The following SENP7 variants were observed in gnomAD, a reference collection of about 807,000 sequenced individuals.
The protein encoded by SENP7 is sentrin-specific protease 7.
Under a neutral mutation model 141.2 loss-of-function variants are expected in SENP7, and 64 were observed. The ratio of observed to expected loss-of-function variants is 0.45; its 90% confidence interval spans 0.37 to 0.56. The LOEUF (loss-of-function observed/expected upper bound fraction) is 0.56. SENP7 is among the 20% of genes least tolerant of loss of function. The pLI, the probability that SENP7 is intolerant of heterozygous loss-of-function variation, is 0.00. For synonymous variants in SENP7, 382 were observed against 426.4 expected (o/e 0.90, Z 1.28); for missense variants, 1,025 against 1,212.2 (o/e 0.85, Z 2.29).
chr3:101,455,648 A>G (rs2063327199), intron 4 of SENP7, among the ~76,000 whole-genome samples: 1 of 152,158 alleles, frequency 6.6e-6, no homozygotes, highest in Non-Finnish European at 1.5e-5. Context: ...TAAAAGAGAA[A>G]AACCAAACTG....
intron 11 of SENP7, 122 bp from the exon 12 acceptor site, chr3:101,351,773 T>C: frequency 1.4e-6 from 1 of 734,560 alleles, no homozygotes; most frequent in Non-Finnish European, 1.9e-6. Context: ...CAAGCCTTTT[T>C]ATCAATAAAC....
chr3:101,509,008 T>C (rs1044620348), intron 1 of SENP7, among the ~76,000 whole-genome samples: 1 of 152,182 alleles, frequency 6.6e-6, no homozygotes, highest in African/African-American at 2.4e-5. Context: ...TCTCAAGATC[T>C]GTCTATATCT....
intron 12 of SENP7, 79 bp downstream of exon 12, chr3:101,351,539 A>ATTATTAAACTTAG: frequency 9.1e-7 from 1 of 1,103,534 alleles, no homozygotes; most frequent in Non-Finnish European, 1.2e-6. Flanking sequence ...AAGGTGAAAC[A>ATTATTAAACTTAG]TTATTAAACT....
intron 1 of SENP7, among the ~76,000 whole-genome samples, chr3:101,510,420 C>T (rs1177294799): frequency 6.6e-6 from 1 of 152,180 alleles, no homozygotes; most frequent in Admixed American, 6.5e-5. Context: ...TTAGGGCAGC[C>T]TAATGTAGTC....
At chr3:101,366,860 T>C in intron 8 of SENP7, 91 bp from the exon 9 acceptor site, 1 of 737,668 alleles carries the variant, frequency 1.4e-6, no homozygotes, top group Non-Finnish European at 2.2e-6. Flanking sequence ...AAAAATATTA[T>C]ATCACTTCTA....
chr3:101,455,599 T>C (rs889700492), intron 4 of SENP7, among the ~76,000 whole-genome samples: 3 of 152,048 alleles, frequency 2.0e-5, no homozygotes, highest in Admixed American at 6.5e-5. Flanking sequence ...AGCTCATTGA[T>C]AGTGAAAATG....
intron 3 of SENP7, among the ~76,000 whole-genome samples, chr3:101,459,375 A>G (rs180699392): frequency 6.6e-6 from 1 of 152,298 alleles, no homozygotes; most frequent in East Asian, 1.9e-4. Flanking sequence ...AAGGTTAAAT[A>G]GGGCCTATGA....
intron 6 of SENP7, among the ~76,000 whole-genome samples, chr3:101,373,416 A>C (rs568229025): frequency 1.3e-5 from 2 of 152,298 alleles, no homozygotes; most frequent in South Asian, 4.1e-4. Context: ...GTCCTCCCTG[A>C]AAGAATTATC....
intron 4 of SENP7, 95 bp downstream of exon 4, chr3:101,458,860 G>A (rs777038471): frequency 8.0e-5 from 53 of 660,876 alleles, no homozygotes; most frequent in South Asian, 4.6e-4. Flanking sequence ...TTTTAAACAT[G>A]TGGTCATAAT....
chr3:101,504,242 A>G (rs1394725687), intron 1 of SENP7, among the ~76,000 whole-genome samples: 1 of 151,810 alleles, frequency 6.6e-6, no homozygotes, highest in Admixed American at 6.6e-5. Context: ...ACTTGAGGTC[A>G]GGAGTTCGAG....
At chr3:101,487,561 T>C (rs1043086874) in intron 3 of SENP7, among the ~76,000 whole-genome samples, 1 of 152,218 alleles carries the variant, frequency 6.6e-6, no homozygotes, top group Non-Finnish European at 1.5e-5. Context: ...GGGTATTTCC[T>C]AGGTATTTTT....
At chr3:101,392,847 G>T (rs1213777219) in intron 6 of SENP7, among the ~76,000 whole-genome samples, 1 of 152,134 alleles carries the variant, frequency 6.6e-6, no homozygotes, top group African/African-American at 2.4e-5. Flanking sequence ...AGCTGGGTGT[G>T]GTGGTACACA....
chr3:101,437,191 A>G (rs946471495), intron 4 of SENP7, among the ~76,000 whole-genome samples: 2 of 152,210 alleles, frequency 1.3e-5, no homozygotes, highest in African/African-American at 4.8e-5. Context: ...TCATGGACCT[A>G]GAGAGTAGAA....
Position 101,428,788 on chromosome 3 carries a change from A to G in SENP7, c.285-10998T>C, listed in dbSNP as rs545198366. Among the ~76,000 whole-genome samples the G allele has an allele frequency of 9.9e-5, 15 of 152,260 alleles. No individual in the cohort carries two copies. The East Asian group carries it at 2.1e-3, about 22-fold the overall frequency. ...TGCCCATGCCTATGTCCTGAATGAT[A>G]TTGCCTAGGTTTTCTTCTAGGGTTT... On this transcript the variant is annotated intron_variant, in intron 4 of 23. Transcript: ENST00000394095.
intron 4 of SENP7, among the ~76,000 whole-genome samples, chr3:101,448,901 G>A (rs2063004378): frequency 6.6e-6 from 1 of 152,156 alleles, no homozygotes; most frequent in South Asian, 2.1e-4. Flanking sequence ...GTTGAGAGAA[G>A]AAGGCTTCAG....
At chr3:101,419,280 G>A (rs1015589736) in intron 4 of SENP7, among the ~76,000 whole-genome samples, 8 of 152,290 alleles carry the variant, frequency 5.3e-5, no homozygotes, top group African/African-American at 1.9e-4. Context: ...CTAAGAATGG[G>A]CAGTTAGGCA....
At chr3:101,506,411 C>A (rs1289759536) in intron 1 of SENP7, among the ~76,000 whole-genome samples, 1 of 152,120 alleles carries the variant, frequency 6.6e-6, no homozygotes, top group Non-Finnish European at 1.5e-5. Flanking sequence ...ATCATGAAAT[C>A]AATAATGTAT....
chr3:101,425,077 T>C (rs1290780785), intron 4 of SENP7, among the ~76,000 whole-genome samples: 1 of 152,196 alleles, frequency 6.6e-6, no homozygotes, highest in Non-Finnish European at 1.5e-5. Context: ...CATAGTCACA[T>C]GGAACTGTGA....
In SENP7 at chr3:101,463,396, T is replaced by TATAC. The variant is rs1320861204; in HGVS notation, c.187-4345_187-4344insGTAT. 2.2e-3 allele frequency among the ~76,000 whole-genome samples: 184 copies of TATAC among 82,772 alleles called. 1 individual carries two copies. The highest frequency in any genetic ancestry group is 5.8e-3 in the African/African-American group (97 of 16,778). 54.3% of individuals were successfully genotyped at this position (82,772 alleles called of 152,430 possible). On this transcript the variant is annotated intron_variant, in intron 3 of 23. Transcript: ENST00000394095. ...ATATATATATATATATATATATATATACATATATATATATATATATACACA... is the reference window on the plus strand; with the variant it reads ...ATATATATATATATATATATATATATATACACATATATATATATATATATACACA...
Sources: allele counts gnomAD v4.1 joint callset (sites outside exome capture counted in the v4.1 genomes callset), GRCh38; gene constraint gnomAD v4.1.1; transcripts MANE v1.5; gene names NCBI Gene and HGNC (gene_info 2026-07-23, HGNC 2026-07-21).